The following NYNRIN variants were observed in gnomAD, a reference collection of about 807,000 sequenced individuals.
The protein encoded by NYNRIN is NYN domain and retroviral integrase containing, also known as protein NYNRIN.
In NYNRIN, 86 loss-of-function variants were observed where a neutral mutation model predicts 146.6. The ratio of observed to expected loss-of-function variants is 0.59; its 90% confidence interval spans 0.49 to 0.70. NYNRIN has a LOEUF of 0.70. Among genes scored for constraint, NYNRIN ranks in the 30% least tolerant of loss-of-function variants. The pLI is 0.00. For synonymous variants in NYNRIN, 1,027 were observed against 1,001.3 expected (o/e 1.03, Z -0.48); for missense variants, 2,191 against 2,377.7 (o/e 0.92, Z 1.63).
Position 24,399,390 on chromosome 14 carries a change from C to A in NYNRIN, c.144C>A (p.Thr48=). 1 of 1,613,724 alleles carries A rather than the reference C, an allele frequency of 6.2e-7. No homozygotes were observed. The highest frequency in any genetic ancestry group is 8.5e-7 in the Non-Finnish European group (1 of 1,179,778). ...ACGCCTTCCAGAGCCGCCCGGACAC[C>A]CCCTACTTCTGGCTACAGCTCGAGG... ...KLNAFQSRPD[T]PYFWLQLEGP... Residue 48 remains threonine, a synonymous_variant, in exon 2 of 9, where the codon ACC becomes ACA. Coordinates refer to ENST00000382554, the MANE Select transcript of NYNRIN (RefSeq NM_025081.3).
chr14:24,401,107 G>A (rs2042839944), intron 2 of NYNRIN, among the ~76,000 whole-genome samples: 1 of 152,178 alleles, frequency 6.6e-6, no homozygotes, highest in African/African-American at 2.4e-5. Flanking sequence ...CACTTTCGGA[G>A]GTACCCCCGC....
chr14:24,400,235 C>T (rs1414951655), intron 2 of NYNRIN, among the ~76,000 whole-genome samples: 1 of 152,208 alleles, frequency 6.6e-6, no homozygotes, highest in Non-Finnish European at 1.5e-5. Flanking sequence ...GGGGCTGGAC[C>T]TTGGACAGGC....
At position 24,408,116 on chromosome 14, in the gene NYNRIN, T is replaced by G; in HGVS notation, c.446T>G (p.Leu149Arg). 10 of 1,611,416 alleles carry G rather than the reference T, an allele frequency of 6.2e-6. No individual in the cohort carries two copies. The highest frequency in any genetic ancestry group is 8.5e-6 in the Non-Finnish European group (10 of 1,179,414). The part of the protein sequence containing the change: ...GRLRWGPAPL[L>R]TPRGIWEAEV... Reference sequence around the variant, plus strand: ...CTGCGCTGGGGCCCTGCCCCTCTGCTGACCCCCCGGGGGATCTGGGAGGCT... The same window carrying G: ...CTGCGCTGGGGCCCTGCCCCTCTGCGGACCCCCCGGGGGATCTGGGAGGCT... Residue 149 changes from leucine to arginine, a missense_variant, in exon 3 of 9, where the codon CTG becomes CGG. By Grantham distance (102) the Leu-to-Arg change is moderately radical (BLOSUM62 -2). Coordinates refer to ENST00000382554, the MANE Select transcript of NYNRIN (RefSeq NM_025081.3).
chr14:24,418,042 G>A lies in NYNRIN; in HGVS notation c.*596G>A, dbSNP rs2042960578. On this transcript the variant is annotated 3_prime_UTR_variant, in exon 9 of 9. Transcript: ENST00000382554. ...TGTGGCCTGCACAGCTCTCAGGGCA[G>A]GGCTGGCCATCCTCCCAGGCCTCAA... The A allele has an allele frequency of 3.0e-6, 1 of 330,634 alleles. No homozygotes were observed. The highest frequency in any genetic ancestry group is 5.9e-6 in the Non-Finnish European group (1 of 168,288). The allele number at this position is 330,634 out of a possible 1,614,324, so 20.5% of individuals were successfully genotyped here.
rs777870956 is a variant in NYNRIN at position 24,416,060 on chromosome 14, T to C, written c.4311T>C (p.Phe1437=). 2 of 1,613,870 alleles carry C rather than the reference T, an allele frequency of 1.2e-6. No individual in the cohort carries two copies. The highest frequency in any genetic ancestry group is 1.3e-5 in the African/African-American group (1 of 74,926). ...GAACCTCCTACCGGGGCTCTCTGTT[T>C]GCTGTGACAGTGGACACCCTGGCCA... ...IYRTSYRGSL[F]AVTVDTLAKQ... Residue 1437 remains phenylalanine (F), a synonymous_variant, in exon 9 of 9, where the codon TTT becomes TTC. Coordinates refer to ENST00000382554, the MANE Select transcript of NYNRIN (RefSeq NM_025081.3).
chr14:24,410,223 G>C lies in NYNRIN; in HGVS notation c.2414+15G>C. The C allele has an allele frequency of 6.4e-7, 1 of 1,562,086 alleles. No homozygotes were observed. Among genetic ancestry groups the C allele is most frequent in the Non-Finnish European group, 8.7e-7 (1 of 1,148,090 alleles). On this transcript the variant is annotated intron_variant, in intron 4 of 8. Transcript: ENST00000382554. ...GTGGCCATGGTGTGAGTAGTCACGG[G>C]CGTGGGGTGGGCTGGGGATGCTGTG...
chr14:24,414,998 C>G lies in NYNRIN; in HGVS notation c.3249C>G (p.Ala1083=), dbSNP rs1311444381. The G allele has an allele frequency of 6.3e-7, 1 of 1,599,548 alleles. No individual in the cohort carries two copies. The highest frequency in any genetic ancestry group is 8.6e-7 in the Non-Finnish European group (1 of 1,169,142). ...GCCAGCAGGTTCTTGCCCACCTGGC[C>G]CAGCTCACCATCCCCAGCAACTTCA... ...APCQQVLAHL[A]QLTIPSNFTA... Residue 1083 remains alanine, a synonymous_variant, in exon 9 of 9, where the codon GCC becomes GCG. Transcript: ENST00000382554.
rs1429574236 is a variant in NYNRIN at position 24,400,673 on chromosome 14, C to T, written c.198+1229C>T. Among the ~76,000 whole-genome samples, 4 of 152,086 alleles carry T rather than the reference C, an allele frequency of 2.6e-5. 1 individual carries two copies. Among genetic ancestry groups the T allele is most frequent in the Non-Finnish European group, 5.9e-5 (4 of 68,020 alleles). On this transcript the variant is annotated intron_variant, in intron 2 of 8. Transcript: ENST00000382554. ...CCTTGAGAGGAAGACATTTAGAAGC[C>T]GGGGTAGGGTAGGCTAACAAGAGGA... is the stretch of plus-strand genomic sequence containing the variant.
intron 2 of NYNRIN, among the ~76,000 whole-genome samples, chr14:24,402,684 C>G (rs1210186695): frequency 6.6e-6 from 1 of 152,114 alleles, no homozygotes; most frequent in Non-Finnish European, 1.5e-5. Context: ...AGTATTTATG[C>G]CACAGAAATT....
intron 2 of NYNRIN, among the ~76,000 whole-genome samples, chr14:24,404,284 C>T (rs1257742626): frequency 2.0e-5 from 3 of 152,128 alleles, no homozygotes; most frequent in Non-Finnish European, 4.4e-5. Flanking sequence ...GAAGCCTTTT[C>T]TTGGGTCTTT....
At chr14:24,414,295 G>A (rs934645079) in intron 8 of NYNRIN, among the ~76,000 whole-genome samples, 4 of 152,270 alleles carry the variant, frequency 2.6e-5, no homozygotes, top group South Asian at 2.1e-4. Flanking sequence ...GCTGGAAGCC[G>A]CCAGTCATCT....
rs749827699 is a variant in NYNRIN at position 24,413,423 on chromosome 14, A to ATATT, written c.2846+6_2846+7insTATT. 24 of 1,591,384 alleles carry ATATT rather than the reference A, an allele frequency of 1.5e-5. No homozygotes were observed. The African/African-American group carries it at 2.8e-4, about 19-fold the overall frequency. ...TTTCTGAAGAAGCCAAACAGGTAATAGGTCAGACCTCCCCAGCCTCCCAGG... is the reference window on the plus strand; with the variant it reads ...TTTCTGAAGAAGCCAAACAGGTAATATATTGGTCAGACCTCCCCAGCCTCCCAGG... On this transcript the variant is annotated splice_region_variant and intron_variant, in intron 8 of 8. Coordinates refer to ENST00000382554, the MANE Select transcript of NYNRIN (RefSeq NM_025081.3).
Position 24,399,333 on chromosome 14 carries a change from G to C in NYNRIN, c.87G>C (p.Leu29=), listed in dbSNP as rs755467582. Residue 29 remains leucine, a synonymous_variant, in exon 2 of 9, where the codon CTG becomes CTC. Coordinates refer to ENST00000382554, the MANE Select transcript of NYNRIN (RefSeq NM_025081.3). Reference sequence around the variant, plus strand: ...AGCCTCGGGTGCAGCGGCAGCGGCTGCAAGTGCAGCGCATCTTTAGGGTCA... The same window carrying C: ...AGCCTCGGGTGCAGCGGCAGCGGCTCCAAGTGCAGCGCATCTTTAGGGTCA... ...KSKPRVQRQR[L]QVQRIFRVKL... 1.2e-6 allele frequency: 2 copies of C among 1,613,866 alleles called. No individual in the cohort carries two copies. Among genetic ancestry groups the C allele is most frequent in the Non-Finnish European group, 1.7e-6 (2 of 1,179,844 alleles).
chr14:24,410,466 T>C (rs1004833917), intron 4 of NYNRIN, among the ~76,000 whole-genome samples: 3 of 152,184 alleles, frequency 2.0e-5, no homozygotes, highest in African/African-American at 7.2e-5. Context: ...AGGTGGGAAA[T>C]CTTGCCCAAG....
chr14:24,417,279 G>C lies in NYNRIN; in HGVS notation c.5530G>C (p.Ala1844Pro). Residue 1844 changes from alanine to proline, a missense_variant, in exon 9 of 9, where the codon GCC (alanine) becomes CCC (proline). Ala to Pro is a conservative substitution (Grantham distance 27). Coordinates refer to ENST00000382554, the MANE Select transcript of NYNRIN (RefSeq NM_025081.3). ...LLSLPRNGSS[A>P]KWVGPFYIGD... ...GTCCCTCCCCAGGAATGGCAGCAGT[G>C]CCAAATGGGTGGGTCCCTTCTATAT... is the stretch of plus-strand genomic sequence containing the variant. 1 of 1,614,006 alleles carries C rather than the reference G, an allele frequency of 6.2e-7. No individual in the cohort carries two copies.
Position 24,410,055 on chromosome 14 carries a change from A to G in NYNRIN, c.2261A>G (p.Gln754Arg), listed in dbSNP as rs772825031. ...LLGAWEGAPR[Q>R]PPRHLQANST... ...GGGGCTTGGGAGGGGGCCCCAAGGCAGCCACCTCGCCACCTGCAAGCGAAC... is the reference window on the plus strand; with the variant it reads ...GGGGCTTGGGAGGGGGCCCCAAGGCGGCCACCTCGCCACCTGCAAGCGAAC... The change falls in exon 4 of 9, where the codon CAG (glutamine) becomes CGG (arginine). Residue 754 changes from glutamine to arginine, a missense_variant. By Grantham distance (43) the Gln-to-Arg change is conservative. Coordinates refer to ENST00000382554, the MANE Select transcript of NYNRIN (RefSeq NM_025081.3). 6.8e-5 allele frequency: 110 copies of G among 1,613,936 alleles called. No homozygotes were observed. The Middle Eastern group carries it at 3.3e-3, about 48-fold the overall frequency.
rs1422854238 is a variant in NYNRIN at position 24,416,585 on chromosome 14, C to T, written c.4836C>T (p.Ala1612=). The T allele has an allele frequency of 6.2e-7, 1 of 1,613,852 alleles. No individual in the cohort carries two copies. Among genetic ancestry groups the T allele is most frequent in the Non-Finnish European group, 8.5e-7 (1 of 1,179,876 alleles). The change falls in exon 9 of 9, where the codon GCC becomes GCT. Residue 1612 remains alanine (A), a synonymous_variant. Coordinates refer to ENST00000382554, the MANE Select transcript of NYNRIN (RefSeq NM_025081.3). ...CCCCATGGCCCCTCAGGTCGACCGC[C>T]CCCTGGTCGAACCTGCAGATCGAGG... is the stretch of plus-strand genomic sequence containing the variant. The part of the protein sequence containing the change: ...IESPWPLRST[A]PWSNLQIEVV...
At position 24,416,699 on chromosome 14, in the gene NYNRIN, C is replaced by G. The variant is rs575216569; in HGVS notation, c.4950C>G (p.Pro1650=). The G allele has an allele frequency of 2.3e-5, 37 of 1,613,958 alleles. 1 individual carries two copies. The South Asian group carries it at 3.5e-4, about 15-fold the overall frequency. ...DPNTRWVEAF[P]LKPYTHTAVA... is the part of the protein sequence containing the mutation. ...ACACCAGGTGGGTGGAGGCATTCCC[C>G]CTGAAGCCCTACACACACACGGCTG... The change falls in exon 9 of 9, where the codon CCC becomes CCG. Residue 1650 remains proline, a synonymous_variant. Transcript: ENST00000382554.
Position 24,412,897 on chromosome 14 carries a change from GAC to G in NYNRIN, c.2643-95_2643-94del, listed in dbSNP as rs1594741803. ...AGTAGGAAGGGCAGTGTCTTTGTCT[GAC>G]ACACCTCAATGTGAAGCTGCAAGTT... On this transcript the variant is annotated intron_variant, in intron 6 of 8. Transcript: ENST00000382554. 9.6e-5 allele frequency: 73 copies of G among 760,758 alleles called. No individual in the cohort carries two copies. The East Asian group carries it at 2.0e-3, about 21-fold the overall frequency. The allele number at this position is 760,758 out of a possible 1,614,324, so 47.1% of individuals were successfully genotyped here. A position where few individuals can be genotyped will look rare whatever the true frequency, so the allele number is the denominator to read the frequency against.
Sources: gnomAD v4.1 joint callset for allele counts (sites outside exome capture counted in the v4.1 genomes callset) on GRCh38, gnomAD v4.1.1 for gene constraint, MANE v1.5 for transcripts, NCBI Gene and HGNC (gene_info 2026-07-23, HGNC 2026-07-21) for gene names.